Variants in UGT1A6 observed in about 807,000 individuals in gnomAD.
The protein encoded by UGT1A6 is UDP glucuronosyltransferase family 1 member A6.
A neutral mutation model predicts 44.4 loss-of-function variants in UGT1A6; 32 were observed. The observed-to-expected ratio is 0.72, with a 90% CI of 0.54 to 0.97. The LOEUF is 0.97. UGT1A6 is among the 50% of genes least tolerant of loss of function. The pLI is 0.00. For missense variants in UGT1A6, 685 were observed against 661.9 expected (o/e 1.03, Z -0.38); for synonymous variants, 238 against 248.5 (o/e 0.96, Z 0.40).
chr2:233,693,500 CCA>C lies in UGT1A6; in HGVS notation c.497_498del (p.Pro166LeufsTer49). 6.2e-7 allele frequency: 1 copy of C among 1,614,174 alleles called. No individual in the cohort carries two copies. Among genetic ancestry groups the C allele is most frequent in the Non-Finnish European group, 8.5e-7 (1 of 1,180,030 alleles). On this transcript the variant is annotated frameshift_variant, in exon 1 of 5. Transcript: ENST00000305139. LOFTEE classifies it high-confidence loss of function. ...GATCCTGGCTGAGTATTTGGGCCTA[CCA>C]TCTGTGTACCTCTTCAGGGGTTTTC... The part of the protein sequence containing the change: ...GVILAEYLGL[P>X]SVYLFRGFPC...
At chr2:233,760,733 T>G in intron 1 of UGT1A6, 1 of 1,614,214 alleles carries the variant, frequency 6.2e-7, no homozygotes, top group South Asian at 1.1e-5. Context: ...GATGTCATGC[T>G]GACGGACCCT....
At chr2:233,738,236 C>A (rs1038259131) in intron 1 of UGT1A6, among the ~76,000 whole-genome samples, 4 of 152,220 alleles carry the variant, frequency 2.6e-5, no homozygotes, top group African/African-American at 4.8e-5. Flanking sequence ...GAGGCCCCTC[C>A]AGCCACATGG....
intron 1 of UGT1A6, among the ~76,000 whole-genome samples, chr2:233,739,207 A>C (rs1231996785): frequency 6.6e-6 from 1 of 152,240 alleles, no homozygotes; most frequent in African/African-American, 2.4e-5. Context: ...CGTTTGCTGC[A>C]TGGATAGAGT....
chr2:233,713,198 C>G lies in UGT1A6; in HGVS notation c.861+19333C>G, dbSNP rs540897333. ...TCACCCTGGAGGTGAATATGTACAT[C>G]AAAGAAGAGAACTTTTTCACCCTGA... On this transcript the variant is annotated intron_variant, in intron 1 of 4. Transcript: ENST00000305139. 1.4e-5 allele frequency: 23 copies of G among 1,614,218 alleles called. 1 individual carries two copies. The highest frequency in any genetic ancestry group is 1.2e-4 in the African/African-American group (9 of 75,058).
chr2:233,724,204 T>C (rs1288091131), intron 1 of UGT1A6, among the ~76,000 whole-genome samples: 2 of 103,218 alleles, frequency 1.9e-5, no homozygotes, highest in South Asian at 3.6e-4. Context: ...CTGGCCGGGC[T>C]GAGGGGCTCC....
intron 1 of UGT1A6, among the ~76,000 whole-genome samples, chr2:233,746,886 T>C (rs1265545295): frequency 6.6e-6 from 1 of 151,624 alleles, no homozygotes; most frequent in Non-Finnish European, 1.5e-5. Context: ...AACAGAGAAG[T>C]AGGAGGCTGT....
chr2:233,727,133 C>G (rs1484837556), intron 1 of UGT1A6, among the ~76,000 whole-genome samples: 1 of 152,194 alleles, frequency 6.6e-6, no homozygotes, highest in African/African-American at 2.4e-5. Flanking sequence ...CAGAGGGGAA[C>G]AAGACCACAC....
intron 1 of UGT1A6, chr2:233,760,250 G>A (rs1489611347): frequency 6.2e-7 from 1 of 1,601,220 alleles, no homozygotes; most frequent in Non-Finnish European, 8.5e-7. Context: ...ATATATATAA[G>A]TAGGAGAGGG....
At chr2:233,747,788 C>A in intron 1 of UGT1A6, 1 of 1,613,516 alleles carries the variant, frequency 6.2e-7, no homozygotes. Context: ...ATCCTTCCTC[C>A]TATATTCCTA....
chr2:233,695,130 C>CTTTCTTTTTTTT (rs1364557158), intron 1 of UGT1A6, among the ~76,000 whole-genome samples: 3 of 138,838 alleles, frequency 2.2e-5, no homozygotes, highest in Admixed American at 7.1e-5. Flanking sequence ...CTTTTCTTTT[C>CTTTCTTTTTTTT]TTTTTTTTTT....
At chr2:233,735,104 G>A (rs543014633) in intron 1 of UGT1A6, among the ~76,000 whole-genome samples, 1 of 152,204 alleles carries the variant, frequency 6.6e-6, no homozygotes, top group Non-Finnish European at 1.5e-5. Context: ...GTCTAATATC[G>A]ACAGTGGGAT....
chr2:233,729,955 G>A, intron 1 of UGT1A6: 1 of 1,614,014 alleles, frequency 6.2e-7, no homozygotes, highest in African/African-American at 1.3e-5. Flanking sequence ...GGTCTTCATT[G>A]GGGGCATCAA....
At position 233,719,073 on chromosome 2, in the gene UGT1A6, A is replaced by C. The variant is rs1195063088; in HGVS notation, c.861+25208A>C. Reference sequence around the variant, plus strand: ...CCTGACAGCCTATGCTGTTCCATGGACCCAGAAGGAATTTGATCGCGTTAC... The same window carrying C: ...CCTGACAGCCTATGCTGTTCCATGGCCCCAGAAGGAATTTGATCGCGTTAC... On this transcript the variant is annotated intron_variant, in intron 1 of 4. Coordinates refer to ENST00000305139, the MANE Select transcript of UGT1A6 (RefSeq NM_001072.4). The C allele has an allele frequency of 3.7e-6, 6 of 1,614,126 alleles. No homozygotes were observed. The African/African-American group carries it at 8.0e-5, about 22-fold the overall frequency.
intron 1 of UGT1A6, among the ~76,000 whole-genome samples, chr2:233,747,024 C>T (rs773156337): frequency 2.0e-5 from 3 of 151,838 alleles, no homozygotes; most frequent in South Asian, 2.1e-4. Flanking sequence ...CGGTCTTTCC[C>T]GAAGTGGGAC....
chr2:233,693,995 G>T (rs7592281), intron 1 of UGT1A6, 130 bp downstream of exon 1: 60,670 of 1,516,734 alleles, frequency 0.04, 2,435 homozygotes, highest in East Asian at 0.2. Flanking sequence ...AGTGATACCC[G>T]GCTCGGAGCA....
intron 1 of UGT1A6, among the ~76,000 whole-genome samples, chr2:233,734,792 AG>A (rs1191669872): frequency 1.3e-5 from 2 of 152,190 alleles, no homozygotes; most frequent in African/African-American, 4.8e-5. Context: ...ATTCAGGAGC[AG>A]GTTGTTCAGT....
At chr2:233,764,352 G>A (rs1698541814) in intron 1 of UGT1A6, among the ~76,000 whole-genome samples, 1 of 152,214 alleles carries the variant, frequency 6.6e-6, no homozygotes, top group Admixed American at 6.5e-5. Context: ...CCTTTATTGA[G>A]CCTCATAGTA....
chr2:233,709,597 G>A (rs4408722), intron 1 of UGT1A6, among the ~76,000 whole-genome samples: 1 of 152,134 alleles, frequency 6.6e-6, no homozygotes, highest in South Asian at 2.1e-4. Context: ...GGATGTGAAA[G>A]AAACATTATT....
At chr2:233,713,542 G>A (rs2076328478) in intron 1 of UGT1A6, 3 of 1,613,882 alleles carry the variant, frequency 1.9e-6, no homozygotes, top group African/African-American at 2.7e-5. Flanking sequence ...GACTTTAAGG[G>A]CACACAGTGT....
Sources: allele counts gnomAD v4.1 joint callset (sites outside exome capture counted in the v4.1 genomes callset), GRCh38; gene constraint gnomAD v4.1.1; transcripts MANE v1.5; gene names NCBI Gene and HGNC (gene_info 2026-07-23, HGNC 2026-07-21).